Variants in GRIK4 observed in about 807,000 individuals in gnomAD.
GRIK4 encodes glutamate receptor ionotropic, kainate 4.
A neutral mutation model predicts 104.9 loss-of-function variants in GRIK4; 40 were observed. That is an observed-to-expected ratio of 0.38 (90% CI 0.30 to 0.50). GRIK4 has a LOEUF of 0.50. Among genes scored for constraint, GRIK4 ranks in the 20% least tolerant of loss-of-function variants. The pLI is 0.93. For missense variants in GRIK4, 1,047 were observed against 1,308.1 expected (o/e 0.80, Z 3.08); for synonymous variants, 485 against 524.9 (o/e 0.92, Z 1.04).
intron 3 of GRIK4, among the ~76,000 whole-genome samples, chr11:120,737,222 A>G (rs1036132276): frequency 1.3e-5 from 2 of 152,204 alleles, no homozygotes; most frequent in African/African-American, 2.4e-5. Context: ...TGTCACTACT[A>G]TTTGAATGTA....
chr11:120,947,246 A>G (rs1245966966), intron 14 of GRIK4, among the ~76,000 whole-genome samples: 1 of 152,164 alleles, frequency 6.6e-6, no homozygotes, highest in East Asian at 1.9e-4. Flanking sequence ...TACTAAAAAT[A>G]CAAAAATTAG....
intron 1 of GRIK4, among the ~76,000 whole-genome samples, chr11:120,522,813 G>A (rs1354072799): frequency 6.6e-6 from 1 of 152,192 alleles, no homozygotes; most frequent in Non-Finnish European, 1.5e-5. Flanking sequence ...CCAAGGCTGG[G>A]ACCTGCCTTA....
chr11:120,756,641 A>C (rs1234693379), intron 3 of GRIK4, among the ~76,000 whole-genome samples: 1 of 152,166 alleles, frequency 6.6e-6, no homozygotes, highest in Non-Finnish European at 1.5e-5. Flanking sequence ...CTCTTGTGCA[A>C]ATGGACCCCA....
At chr11:120,660,723 C>T (rs1949800286) in intron 3 of GRIK4, among the ~76,000 whole-genome samples, 1 of 152,166 alleles carries the variant, frequency 6.6e-6, no homozygotes, top group Non-Finnish European at 1.5e-5. Context: ...ATGGGGACTC[C>T]AAATCTAGGG....
chr11:120,967,369 G>A lies in GRIK4; in HGVS notation c.2395+46G>A. 8.9e-6 allele frequency: 14 copies of A among 1,565,862 alleles called. No homozygotes were observed. The highest frequency in any genetic ancestry group is 1.9e-5 in the Admixed American group (1 of 53,598). ...CCTCCTCCTGCCCTAGAGGACCAAA[G>A]TAGCTTGTTTCTCGTGTTCAAATTC... On this transcript the variant is annotated intron_variant, in intron 19 of 20. Coordinates refer to ENST00000527524, the MANE Select transcript of GRIK4 (RefSeq NM_014619.5). The surrounding 1 kb of genome is among the most constrained non-coding windows in gnomAD (Gnocchi z 4.2).
chr11:120,576,148 A>C (rs1019444935), intron 1 of GRIK4, among the ~76,000 whole-genome samples: 1 of 152,136 alleles, frequency 6.6e-6, no homozygotes, highest in African/African-American at 2.4e-5. Context: ...TATAAAAAGG[A>C]ATAGTCCATC....
At chr11:120,696,308 C>T (rs895817500) in intron 3 of GRIK4, among the ~76,000 whole-genome samples, 5 of 152,110 alleles carry the variant, frequency 3.3e-5, no homozygotes, top group Non-Finnish European at 7.4e-5. Flanking sequence ...GTGTCCTGTA[C>T]AGCAGACTTA....
intron 3 of GRIK4, among the ~76,000 whole-genome samples, chr11:120,709,176 C>G (rs1950682479): frequency 6.6e-6 from 1 of 151,862 alleles, no homozygotes. Context: ...TACTAAATCT[C>G]AAATGTCTGA....
chr11:120,665,538 C>T (rs1409317516), intron 3 of GRIK4, among the ~76,000 whole-genome samples: 4 of 152,190 alleles, frequency 2.6e-5, no homozygotes, highest in Non-Finnish European at 5.9e-5. Context: ...TAGCACTGTG[C>T]TTGGCCCACA....
chr11:120,526,691 G>T (rs1365582832), intron 1 of GRIK4, among the ~76,000 whole-genome samples: 1 of 152,144 alleles, frequency 6.6e-6, no homozygotes, highest in Non-Finnish European at 1.5e-5. Flanking sequence ...AATTAACCAG[G>T]TGTGGTGGCA....
At chr11:120,883,139 G>A (rs918224814) in intron 11 of GRIK4, among the ~76,000 whole-genome samples, 1 of 152,130 alleles carries the variant, frequency 6.6e-6, no homozygotes, top group Non-Finnish European at 1.5e-5. Context: ...GAGCGAATAC[G>A]GAGCGAACGA....
intron 13 of GRIK4, among the ~76,000 whole-genome samples, chr11:120,911,765 C>T (rs1218822869): frequency 3.4e-5 from 5 of 148,112 alleles, no homozygotes; most frequent in Non-Finnish European, 5.9e-5. Context: ...TCACTTGAAC[C>T]TGGGAGGTGG....
rs1048260232 is a variant in GRIK4 at position 120,582,043 on chromosome 11, G to A, written c.-159+70156G>A. 2.6e-5 allele frequency among the ~76,000 whole-genome samples: 4 copies of A among 151,200 alleles called. No individual in the cohort carries two copies. The South Asian group carries it at 6.2e-4, about 24-fold the overall frequency. On this transcript the variant is annotated intron_variant, in intron 1 of 20. Transcript: ENST00000527524. ...AGGATGGTCTCGATCTCCTGACCTCGTGATCTGCCTGCCTCAGCCTCCCAA... is the reference window on the plus strand; with the variant it reads ...AGGATGGTCTCGATCTCCTGACCTCATGATCTGCCTGCCTCAGCCTCCCAA...
At chr11:120,601,991 G>A (rs1226040985) in intron 1 of GRIK4, among the ~76,000 whole-genome samples, 3 of 152,110 alleles carry the variant, frequency 2.0e-5, no homozygotes, top group Non-Finnish European at 4.4e-5. Flanking sequence ...CTGGAGGATT[G>A]AAATGGAACC....
rs1278248180 is a variant in GRIK4 at position 120,986,244 on chromosome 11, G to A, written c.2855G>A (p.Ser952Asn). The change falls in exon 21 of 21, where the codon AGC becomes AAC. Residue 952 changes from serine to asparagine, a missense_variant. Physicochemically the swap from Ser to Asn is conservative, Grantham distance 46. This residue lies in a region of GRIK4 where 160 missense variants were observed against 140.9 expected (regional missense o/e 1.14). Transcript: ENST00000527524. ...CTGGAGTGGGAGAAAACCACCAACA[G>A]CAGCGAGCCCGAGTAGTCCCGGAGG... Reference protein sequence around the residue: ...ESLEWEKTTNSSEPE With the variant: ...ESLEWEKTTNNSEPE The A allele has an allele frequency of 1.3e-6, 2 of 1,543,248 alleles. No individual in the cohort carries two copies. Among genetic ancestry groups the A allele is most frequent in the Non-Finnish European group, 1.7e-6 (2 of 1,153,920 alleles).
intron 1 of GRIK4, among the ~76,000 whole-genome samples, chr11:120,552,804 G>A (rs1034265818): frequency 1.3e-5 from 2 of 151,976 alleles, no homozygotes; most frequent in Non-Finnish European, 2.9e-5. Flanking sequence ...GTTAGAGACC[G>A]GCCTGGCCAA....
At chr11:120,793,311 GC>G (rs1489382704) in intron 3 of GRIK4, among the ~76,000 whole-genome samples, 1 of 152,152 alleles carries the variant, frequency 6.6e-6, no homozygotes, top group African/African-American at 2.4e-5. Context: ...AGAAGGGAGA[GC>G]CAGAGGGCAC....
intron 14 of GRIK4, among the ~76,000 whole-genome samples, chr11:120,950,256 G>A (rs1194243865): frequency 5.3e-5 from 8 of 152,194 alleles, no homozygotes; most frequent in South Asian, 2.1e-4. Flanking sequence ...CCTTGCCAAC[G>A]TGACTGATAT....
intron 6 of GRIK4, among the ~76,000 whole-genome samples, 162 bp downstream of exon 6, chr11:120,820,082 CGT>C (rs35140379): frequency 0.12 from 17,016 of 144,460 alleles, 1,329 homozygotes; most frequent in African/African-American, 0.23. Context: ...CTCATGTGTC[CGT>C]GTGTGTGTGT....
Sources: gnomAD v4.1 joint callset for allele counts (sites outside exome capture counted in the v4.1 genomes callset) on GRCh38, gnomAD v4.1.1 for gene constraint, gnomAD v4.1.1 regional missense constraint, Gnocchi (gnomAD v3.1) non-coding constraint, MANE v1.5 for transcripts, NCBI Gene and HGNC (gene_info 2026-07-23, HGNC 2026-07-21) for gene names.